The following CIITA variants were observed in gnomAD, a reference collection of about 807,000 sequenced individuals.
CIITA encodes the protein class II major histocompatibility complex transactivator.
A neutral mutation model predicts 115.1 loss-of-function variants in CIITA; 72 were observed. The ratio of observed to expected loss-of-function variants is 0.63; its 90% CI spans 0.52 to 0.76. CIITA has a LOEUF of 0.76. Among genes scored for constraint, CIITA ranks in the 30% least tolerant of loss-of-function variants. The probability of loss-of-function intolerance (pLI) is 0.00; values close to 1 mark genes in which losing one functional copy is unlikely to be tolerated. For missense variants in CIITA, 1,617 were observed against 1,463.8 expected, an observed-to-expected ratio of 1.10 and a Z score of -1.71; for synonymous variants, 763 against 635.6, an observed-to-expected ratio of 1.20 and a Z score of -3.02.
In CIITA at chr16:10,929,106, G is replaced by T; in HGVS notation, c.*5251G>T. On this transcript the variant is annotated 3_prime_UTR_variant, in exon 20 of 20. Transcript: ENST00000324288. The surrounding 1 kb of genome is among the most constrained non-coding windows in gnomAD (Gnocchi z 4.3). ...TGAAGGAGCGAGAATCCCACCCTCA[G>T]CCCCCCAACAGCTTCCTCAGCTTCT... The T allele has an allele frequency of 1.5e-6, 1 of 646,996 alleles. No homozygotes were observed. Among genetic ancestry groups the T allele is most frequent in the Non-Finnish European group, 1.9e-6 (1 of 520,716 alleles). The allele number at this position is 646,996 out of a possible 1,614,324, so 40.1% of individuals were successfully genotyped here.
At position 10,901,695 on chromosome 16, in the gene CIITA, A is replaced by T. The variant is rs947561244; in HGVS notation, c.481+137A>T. ...TGCCCTTCTTTGGGTAGAGGCTGAG[A>T]GCTTGGGGTCCCTTAGAGTCCTCTA... is the stretch of plus-strand genomic sequence containing the variant. On this transcript the variant is annotated intron_variant, in intron 6 of 19. Transcript: ENST00000324288. This position sits in a 1 kb window ranked among gnomAD's most constrained non-coding sequence, Gnocchi z 6.8. 7 of 967,180 alleles carry T rather than the reference A, an allele frequency of 7.2e-6. No homozygotes were observed. Among genetic ancestry groups the T allele is most frequent in the African/African-American group, 3.2e-5 (2 of 61,674 alleles). The allele number at this position is 967,180 out of a possible 1,614,324, so 59.9% of individuals were successfully genotyped here.
chr16:10,912,613 G>T (rs537500413), intron 13 of CIITA, among the ~76,000 whole-genome samples: 1 of 152,302 alleles, frequency 6.6e-6, no homozygotes, highest in South Asian at 2.1e-4. Flanking sequence ...CCAGAAAAAA[G>T]CCAGTGTCTC....
chr16:10,875,094 G>A (rs1023155752), upstream of CIITA, among the ~76,000 whole-genome samples: 4 of 151,766 alleles, frequency 2.6e-5, no homozygotes, highest in East Asian at 1.9e-4. Context: ...TCAGTCTCCC[G>A]AGTAGCACAC....
intron 1 of CIITA, among the ~76,000 whole-genome samples, chr16:10,889,000 A>G (rs1481536893): frequency 6.6e-6 from 1 of 152,250 alleles, no homozygotes; most frequent in African/African-American, 2.4e-5. Flanking sequence ...CCTACGAGTC[A>G]TGTCATTTGG....
rs1396363497 is a variant in CIITA, at chr16:10,929,566, A to G, written c.*5711A>G. The G allele has an allele frequency of 1.0e-6, 1 of 985,248 alleles. No individual in the cohort carries two copies. Among genetic ancestry groups the G allele is most frequent in the African/African-American group, 1.7e-5 (1 of 57,184 alleles). The allele number at this position is 985,248 out of a possible 1,614,324, so 61.0% of individuals were successfully genotyped here. ...GCTTTTGAGGGGAGCAGGTCTAACA[A>G]GAAGGAAAAAGGGGGGTTATTAGCA... On this transcript the variant is annotated 3_prime_UTR_variant, in exon 20 of 20. Coordinates refer to ENST00000324288, the MANE Select transcript of CIITA (RefSeq NM_000246.4). The surrounding 1 kb of genome is among the most constrained non-coding windows in gnomAD (Gnocchi z 4.3).
chr16:10,916,495 G>A (rs1447047609), intron 15 of CIITA, 36 bp downstream of exon 15: 3 of 1,568,320 alleles, frequency 1.9e-6, no homozygotes, highest in Non-Finnish European at 2.6e-6. Flanking sequence ...TGCTGAATCG[G>A]GCCCCCAAAG....
At chr16:10,868,230 T>C (rs1483373430) in intron 1 of CIITA, among the ~76,000 whole-genome samples, 1 of 151,112 alleles carries the variant, frequency 6.6e-6, no homozygotes, top group Non-Finnish European at 1.5e-5. Context: ...TCCCCATCCT[T>C]ATTTAACACT....
At chr16:10,906,421 C>T in intron 10 of CIITA, 78 bp from the exon 11 acceptor site, 4 of 1,447,832 alleles carry the variant, frequency 2.8e-6, no homozygotes, top group Non-Finnish European at 3.9e-6. Context: ...ATGATGGTGG[C>T]AGTGCTGGCC....
downstream of CIITA, chr16:10,940,074 T>A (rs1198700960): frequency 2.0e-5 from 3 of 152,278 alleles, no homozygotes; most frequent in Non-Finnish European, 2.9e-5. This position sits in a 1 kb window ranked among gnomAD's most constrained non-coding sequence, Gnocchi z 4.2. Flanking sequence ...AAGCTTTTTC[T>A]TCAAAGAAAT....
Position 10,928,579 on chromosome 16 carries a change from C to T in CIITA, c.*4724C>T, listed in dbSNP as rs147240431. 2,495 of 152,538 alleles carry T rather than the reference C, an allele frequency of 0.016. 28 individuals are homozygous for T. Among genetic ancestry groups the T allele is most frequent in the Non-Finnish European group, 0.024 (1,623 of 68,178 alleles). 9.4% of individuals were successfully genotyped at this position (152,538 alleles called of 1,614,324 possible). On this transcript the variant is annotated 3_prime_UTR_variant, in exon 20 of 20. Coordinates refer to ENST00000324288, the MANE Select transcript of CIITA (RefSeq NM_000246.4). ...GTGCTGGGATTACAGGCATGAGCCA[C>T]CATGCCAAGCCCTTCCCCCCTATCT...
downstream of CIITA, chr16:10,936,858 T>C (rs897505669): frequency 2.6e-5 from 4 of 152,238 alleles, no homozygotes; most frequent in African/African-American, 7.2e-5. Context: ...CTGCCACTTT[T>C]ATTGTGATCT....
chr16:10,904,922 C>T, intron 10 of CIITA, 110 bp downstream of exon 10: 1 of 1,103,898 alleles, frequency 9.1e-7, no homozygotes, highest in South Asian at 1.3e-5. Flanking sequence ...TGTTGGCTCA[C>T]ACACTCATTT....
chr16:10,914,043 C>T (rs2039779528), intron 13 of CIITA, among the ~76,000 whole-genome samples: 1 of 152,174 alleles, frequency 6.6e-6, no homozygotes, highest in Admixed American at 6.5e-5. Context: ...GATTCATTGT[C>T]TCAGACATCA....
At position 10,941,671 on chromosome 16, in the gene CIITA, C is replaced by A; in HGVS notation, n.797C>A. ...CATGATCTGGGCGGCTGGTCCAGGG[C>A]ATGGGTTGCGGATCGTGTAGGGAAG... On this transcript the variant is annotated non_coding_transcript_exon_variant, in exon 2 of 2. Transcript: ENST00000573379. This position sits in a 1 kb window ranked among gnomAD's most constrained non-coding sequence, Gnocchi z 6.4. The A allele has an allele frequency of 6.4e-7, 1 of 1,560,528 alleles. No individual in the cohort carries two copies. Among genetic ancestry groups the A allele is most frequent in the Non-Finnish European group, 8.7e-7 (1 of 1,150,232 alleles).
intron 1 of CIITA, among the ~76,000 whole-genome samples, chr16:10,868,782 G>A (rs974925366): frequency 5.3e-5 from 8 of 152,102 alleles, no homozygotes; most frequent in Admixed American, 2.0e-4. Flanking sequence ...TTCCTCCCTC[G>A]GGAGGTAATA....
rs1465378975 is a variant in CIITA at position 10,920,155 on chromosome 16, G to A, written c.3149+1629G>A. 6.6e-6 allele frequency among the ~76,000 whole-genome samples: 1 copy of A among 152,222 alleles called. No individual in the cohort carries two copies. The highest frequency in any genetic ancestry group is 1.9e-4 in the East Asian group (1 of 5,200). On this transcript the variant is annotated intron_variant, in intron 16 of 19. Coordinates refer to ENST00000324288, the MANE Select transcript of CIITA (RefSeq NM_000246.4). This position sits in a 1 kb window ranked among gnomAD's most constrained non-coding sequence, Gnocchi z 4.5. ...CCAGATCACACAGGGAGGCCCTTGT[G>A]GGTCACAAGAGGTATTTGCAGTTTT... is the stretch of plus-strand genomic sequence containing the variant.
rs564234216 is a variant in CIITA, at chr16:10,892,295, G to C, written c.53-2987G>C. Among the ~76,000 whole-genome samples, 3 of 152,088 alleles carry C rather than the reference G, an allele frequency of 2.0e-5. 1 individual carries two copies. Among genetic ancestry groups the C allele is most frequent in the African/African-American group, 7.2e-5 (3 of 41,490 alleles). On this transcript the variant is annotated intron_variant, in intron 1 of 19. Coordinates refer to ENST00000324288, the MANE Select transcript of CIITA (RefSeq NM_000246.4). ...GCCAAGATTGCACCACTGCACTCCAGCCTGGGCGACAGAGTGAGACTCTGT... is the reference window on the plus strand; with the variant it reads ...GCCAAGATTGCACCACTGCACTCCACCCTGGGCGACAGAGTGAGACTCTGT...
intron 1 of CIITA, among the ~76,000 whole-genome samples, chr16:10,882,069 A>G (rs188921203): frequency 3.3e-5 from 5 of 152,298 alleles, no homozygotes; most frequent in African/African-American, 1.2e-4. Context: ...TCATTTGTTG[A>G]TAGACACTTG....
chr16:10,884,845 G>A (rs1194349239), intron 1 of CIITA, among the ~76,000 whole-genome samples: 1 of 151,990 alleles, frequency 6.6e-6, no homozygotes, highest in Non-Finnish European at 1.5e-5. Context: ...GGGTACCCAG[G>A]GCCAGTCCCC....
Sources: gnomAD v4.1 joint callset for allele counts (sites outside exome capture counted in the v4.1 genomes callset) on GRCh38, gnomAD v4.1.1 for gene constraint, Gnocchi (gnomAD v3.1) non-coding constraint, MANE v1.5 for transcripts, NCBI Gene and HGNC (gene_info 2026-07-23, HGNC 2026-07-21) for gene names.